Variants in ZSWIM9 observed in about 807,000 individuals in gnomAD.
ZSWIM9 encodes uncharacterized protein ZSWIM9.
A neutral mutation model predicts 25.0 loss-of-function variants in ZSWIM9; 11 were observed. The observed-to-expected ratio is 0.44, with a 90% CI of 0.28 to 0.73. The LOEUF is 0.73. Among genes scored for constraint, ZSWIM9 ranks in the 30% least tolerant of loss-of-function variants. The pLI, the probability that ZSWIM9 is intolerant of heterozygous loss-of-function variation, is 0.16. For missense variants in ZSWIM9, 1,070 were observed against 1,296.5 expected, an observed-to-expected ratio of 0.83 and a Z score of 2.68; for synonymous variants, 562 against 582.1, an observed-to-expected ratio of 0.97 and a Z score of 0.50.
chr19:48,187,500 A>T (rs1365373692), intron 3 of ZSWIM9, among the ~76,000 whole-genome samples: 1 of 3,452 alleles, frequency 2.9e-4, no homozygotes, highest in African/African-American at 4.9e-4. Context: ...ATTATAATAT[A>T]TTATATTATA....
chr19:48,181,495 T>G (rs2036948180), intron 2 of ZSWIM9: 1 of 152,236 alleles, frequency 6.6e-6, no homozygotes, highest in Non-Finnish European at 1.5e-5. Context: ...CAACTTATTT[T>G]CTCACTCTAT....
chr19:48,195,645 G>A lies in ZSWIM9; in HGVS notation c.1581G>A (p.Arg527=). The change falls in exon 4 of 4, where the codon CGG becomes CGA. Residue 527 remains arginine, a synonymous_variant. Coordinates refer to ENST00000614654, the MANE Select transcript of ZSWIM9 (RefSeq NM_199341.4). This position sits in a 1 kb window ranked among gnomAD's most constrained non-coding sequence, Gnocchi z 5.8. ...AGATCAGAGATTGGAGAGGGGGTCGGTTGGAGAATCAGAAGCCGAGGGGAC... is the reference window on the plus strand; with the variant it reads ...AGATCAGAGATTGGAGAGGGGGTCGATTGGAGAATCAGAAGCCGAGGGGAC... ...ALQIRDWRGG[R]LENQKPRGLE... 2 of 1,424,408 alleles carry A rather than the reference G, an allele frequency of 1.4e-6. No homozygotes were observed. Among genetic ancestry groups the A allele is most frequent in the Non-Finnish European group, 1.8e-6 (2 of 1,095,946 alleles). 88.2% of individuals were successfully genotyped at this position (1,424,408 alleles called of 1,614,324 possible).
At position 48,196,414 on chromosome 19, in the gene ZSWIM9, G is replaced by T. The variant is rs2037166224; in HGVS notation, c.2350G>T (p.Ala784Ser). ...VLEGSPEWAA[A>S]RSEHLAAGDG... The stretch of plus-strand genomic sequence containing the variant: ...GGAAGGCAGCCCAGAATGGGCAGCG[G>T]CGAGGAGTGAACACCTGGCTGCAGG... Residue 784 changes from alanine (A) to serine (S), a missense_variant, in exon 4 of 4, where the codon GCG (alanine) becomes TCG (serine). By Grantham distance (99) the Ala-to-Ser change is moderately conservative. Transcript: ENST00000614654. The T allele has an allele frequency of 1.6e-6, 2 of 1,232,404 alleles. No individual in the cohort carries two copies. The highest frequency in any genetic ancestry group is 8.4e-5 in the Admixed American group (2 of 23,704). The allele number at this position is 1,232,404 out of a possible 1,614,324, so 76.3% of individuals were successfully genotyped here.
intron 3 of ZSWIM9, among the ~76,000 whole-genome samples, chr19:48,183,832 G>C (rs949333254): frequency 8.6e-5 from 11 of 127,354 alleles, no homozygotes; most frequent in East Asian, 4.5e-4. Flanking sequence ...GATGTTTGGC[G>C]GGGGGGGGTC....
chr19:48,196,508 A>G lies in ZSWIM9; in HGVS notation c.2444A>G (p.Glu815Gly). The G allele has an allele frequency of 8.1e-7, 1 of 1,231,778 alleles. No individual in the cohort carries two copies. The highest frequency in any genetic ancestry group is 1.0e-6 in the Non-Finnish European group (1 of 988,070). The allele number at this position is 1,231,778 out of a possible 1,614,324, so 76.3% of individuals were successfully genotyped here. Residue 815 changes from glutamate to glycine, a missense_variant, in exon 4 of 4, where the codon GAG (glutamate) becomes GGG (glycine). Glu to Gly is a moderately conservative substitution (Grantham distance 98). This residue lies in a region of ZSWIM9 where 583 missense variants were observed against 624.7 expected (regional missense o/e 0.93). Coordinates refer to ENST00000614654, the MANE Select transcript of ZSWIM9 (RefSeq NM_199341.4). The stretch of plus-strand genomic sequence containing the variant: ...AAGAGGCTTTGCCGACCCCCGGGAG[A>G]GGAGGAGGTGGACTGGGAACCCCTG... ...EPKRLCRPPG[E>G]EEVDWEPLAK...
chr19:48,186,291 TTTTG>T (rs67471251), intron 3 of ZSWIM9, among the ~76,000 whole-genome samples: 61,349 of 148,722 alleles, frequency 0.41, 13,102 homozygotes, highest in East Asian at 0.75. Context: ...TACACGCTGT[TTTTG>T]TTTGTTTGTT....
intron 3 of ZSWIM9, among the ~76,000 whole-genome samples, chr19:48,187,371 C>A (rs2037025085): frequency 2.0e-5 from 1 of 49,922 alleles, no homozygotes; most frequent in Non-Finnish European, 3.9e-5. Flanking sequence ...AGTAATATAA[C>A]AGTATAATGT....
intron 3 of ZSWIM9, among the ~76,000 whole-genome samples, chr19:48,183,831 C>CGGG (rs368105468): frequency 1.7e-4 from 24 of 143,512 alleles, no homozygotes; most frequent in African/African-American, 5.9e-4. Flanking sequence ...AGATGTTTGG[C>CGGG]GGGGGGGGGT....
chr19:48,178,599 C>T (rs2036917109), intron 2 of ZSWIM9, among the ~76,000 whole-genome samples: 1 of 144,978 alleles, frequency 6.9e-6, no homozygotes, highest in African/African-American at 2.6e-5. Flanking sequence ...CTTCTTGAGA[C>T]AGAGTCTCGC....
chr19:48,171,229 G>A (rs1202513673), intron 1 of ZSWIM9: 1 of 985,316 alleles, frequency 1.0e-6, no homozygotes, highest in African/African-American at 1.7e-5. Flanking sequence ...GCACATCTGG[G>A]GAGTGCGGAG....
chr19:48,177,069 AT>A (rs1568574607), intron 2 of ZSWIM9, among the ~76,000 whole-genome samples: 1 of 151,594 alleles, frequency 6.6e-6, no homozygotes, highest in Non-Finnish European at 1.5e-5. Context: ...CTCCAAAAAA[AT>A]AAATAAATAA....
At position 48,195,688 on chromosome 19, in the gene ZSWIM9, A is replaced by G; in HGVS notation, c.1624A>G (p.Arg542Gly). ...GAGGGGACTGGAAGGGGGTGTCTTG[A>G]GAGGGTCGAAGTTAGAGAAAGGGCA... ...KPRGLEGGVL[R>G]GSKLEKGHLR... Residue 542 changes from arginine (R) to glycine (G), a missense_variant, in exon 4 of 4, where the codon AGA becomes GGA. This residue lies in a region of ZSWIM9 where 583 missense variants were observed against 624.7 expected (regional missense o/e 0.93). Coordinates refer to ENST00000614654, the MANE Select transcript of ZSWIM9 (RefSeq NM_199341.4). This position sits in a 1 kb window ranked among gnomAD's most constrained non-coding sequence, Gnocchi z 5.8. 1.4e-6 allele frequency: 2 copies of G among 1,455,164 alleles called. No homozygotes were observed. The highest frequency in any genetic ancestry group is 1.8e-6 in the Non-Finnish European group (2 of 1,111,040). The allele number at this position is 1,455,164 out of a possible 1,614,324, so 90.1% of individuals were successfully genotyped here.
In ZSWIM9 at chr19:48,195,000, G is replaced by A; in HGVS notation, c.936G>A (p.Ala312=). The change falls in exon 4 of 4, where the codon GCG becomes GCA. Residue 312 remains alanine, a synonymous_variant. Transcript: ENST00000614654. The surrounding 1 kb of genome is among the most constrained non-coding windows in gnomAD (Gnocchi z 6.0). ...CAGTGCGCCAGCTGCTGCCCTGCGCGCGCGTGCAGATCTGCCGCGCGCAGG... is the reference window on the plus strand; with the variant it reads ...CAGTGCGCCAGCTGCTGCCCTGCGCACGCGTGCAGATCTGCCGCGCGCAGG... The part of the protein sequence containing the change: ...LPAVRQLLPC[A]RVQICRAQGL... The A allele has an allele frequency of 5.2e-6, 7 of 1,349,610 alleles. No homozygotes were observed. Among genetic ancestry groups the A allele is most frequent in the Non-Finnish European group, 6.6e-6 (7 of 1,057,444 alleles). The allele number at this position is 1,349,610 out of a possible 1,614,324, so 83.6% of individuals were successfully genotyped here. A position where few individuals can be genotyped will look rare whatever the true frequency, so the allele number is the denominator to read the frequency against.
rs931722510 is a variant in ZSWIM9, at chr19:48,197,304, T to C, written c.*477T>C. 1.9e-5 allele frequency: 13 copies of C among 697,592 alleles called. No individual in the cohort carries two copies. The highest frequency in any genetic ancestry group is 3.1e-5 in the Non-Finnish European group (12 of 383,070). The allele number at this position is 697,592 out of a possible 1,614,324, so 43.2% of individuals were successfully genotyped here. On this transcript the variant is annotated 3_prime_UTR_variant, in exon 4 of 4. Transcript: ENST00000614654. ...AAAAAATGGAAAGGGGAGCCGGAAA[T>C]GGAGGAGAGAGGACAAGCAAAGAGA... is the stretch of plus-strand genomic sequence containing the variant.
intron 2 of ZSWIM9, 65 bp downstream of exon 2, chr19:48,172,142 G>GCCCCCGGGGGGGGGGGGGGGGGGGGC: frequency 1.8e-6 from 1 of 546,426 alleles, no homozygotes. Flanking sequence ...GTGTGGGTGG[G>GCCCCCGGGGGGGGGGGGGGGGGGGGC]AGACGGGCAG....
Position 48,190,396 on chromosome 19 carries a change from C to G in ZSWIM9, c.589-4257C>G, listed in dbSNP as rs1313799823. The G allele has an allele frequency of 7.8e-5, 12 of 154,734 alleles. 1 individual carries two copies. The highest frequency in any genetic ancestry group is 2.9e-5 in the Non-Finnish European group (2 of 68,232). 9.6% of individuals were successfully genotyped at this position (154,734 alleles called of 1,614,324 possible). A position where few individuals can be genotyped will look rare whatever the true frequency, so the allele number is the denominator to read the frequency against. ...TGGCTGAACTCATTGAATTTTATTT[C>G]TTGCTCACTTACACAGCCACCACGG... On this transcript the variant is annotated intron_variant, in intron 3 of 3. Coordinates refer to ENST00000614654, the MANE Select transcript of ZSWIM9 (RefSeq NM_199341.4).
rs2036954446 is a variant in ZSWIM9, at chr19:48,182,192, C to T, written c.276-263C>T. 1.9e-6 allele frequency: 1 copy of T among 513,512 alleles called. No individual in the cohort carries two copies. Among genetic ancestry groups the T allele is most frequent in the Admixed American group, 3.6e-5 (1 of 27,444 alleles). The allele number at this position is 513,512 out of a possible 1,614,324, so 31.8% of individuals were successfully genotyped here. The stretch of plus-strand genomic sequence containing the variant: ...TTCCAGACACTGTGTAGGTGCTTTA[C>T]CTATATTAACTCTTTTCATGCTCAT... On this transcript the variant is annotated intron_variant, in intron 2 of 3. Transcript: ENST00000614654. The surrounding 1 kb of genome is among the most constrained non-coding windows in gnomAD (Gnocchi z 4.6).
rs1190318178 is a variant in ZSWIM9, at chr19:48,196,828, C to T, written c.*1C>T. 8.1e-7 allele frequency: 1 copy of T among 1,240,732 alleles called. No homozygotes were observed. The highest frequency in any genetic ancestry group is 3.1e-5 in the East Asian group (1 of 32,060). 76.9% of individuals were successfully genotyped at this position (1,240,732 alleles called of 1,614,324 possible). A position where few individuals can be genotyped will look rare whatever the true frequency, so the allele number is the denominator to read the frequency against. ...CTGGGGGAGAGCCCCAGAGCCCTGA[C>T]CCTTCATGCCTCTGCCCACCACCCT... On this transcript the variant is annotated 3_prime_UTR_variant, in exon 4 of 4. Transcript: ENST00000614654.
At position 48,197,228 on chromosome 19, in the gene ZSWIM9, G is replaced by A. The variant is rs1425394544; in HGVS notation, c.*401G>A. 1.4e-6 allele frequency: 1 copy of A among 702,468 alleles called. No homozygotes were observed. The highest frequency in any genetic ancestry group is 1.7e-5 in the African/African-American group (1 of 57,226). The allele number at this position is 702,468 out of a possible 1,614,324, so 43.5% of individuals were successfully genotyped here. A position where few individuals can be genotyped will look rare whatever the true frequency, so the allele number is the denominator to read the frequency against. The stretch of plus-strand genomic sequence containing the variant: ...CAGTCTAGGGAGTGCAGCGGGGAGA[G>A]GGGAAAGGGAGAAAGTACAGAAGAC... On this transcript the variant is annotated 3_prime_UTR_variant, in exon 4 of 4. Coordinates refer to ENST00000614654, the MANE Select transcript of ZSWIM9 (RefSeq NM_199341.4).
Sources: allele counts gnomAD v4.1 joint callset (sites outside exome capture counted in the v4.1 genomes callset), GRCh38; gene constraint gnomAD v4.1.1; regional missense constraint gnomAD v4.1.1; non-coding constraint Gnocchi (gnomAD v3.1); transcripts MANE v1.5; gene names NCBI Gene and HGNC (gene_info 2026-07-23, HGNC 2026-07-21).